AXIN1: variants seen among roughly 807,000 people sequenced by gnomAD.
AXIN1 encodes the protein axin-1.
Under a neutral mutation model 76.4 loss-of-function variants are expected in AXIN1, and 30 were observed. The ratio of observed to expected loss-of-function variants is 0.39; its 90% CI spans 0.29 to 0.53. The LOEUF is 0.53. Among genes scored for constraint, AXIN1 ranks in the 20% least tolerant of loss-of-function variants. The pLI is 0.66. For missense variants in AXIN1, 1,140 were observed against 1,198.8 expected (o/e 0.95, Z 0.72); for synonymous variants, 545 against 501.4 (o/e 1.09, Z -1.16).
At chr16:333,405 G>A (rs1159780117) in intron 2 of AXIN1, among the ~76,000 whole-genome samples, 7 of 149,366 alleles carry the variant, frequency 4.7e-5, no homozygotes, top group African/African-American at 1.2e-4. Flanking sequence ...CAGGAGGATC[G>A]CTCAAGCCTT....
intron 5 of AXIN1, among the ~76,000 whole-genome samples, chr16:298,876 C>T (rs943789890): frequency 6.6e-6 from 1 of 152,138 alleles, no homozygotes; most frequent in Admixed American, 6.5e-5. Context: ...TCAAGTGATT[C>T]TCCTCCTTCA....
Position 352,503 on chromosome 16 carries a change from GCTGCGGCT to G in AXIN1, c.-224_-217del. The G allele has an allele frequency of 3.5e-6, 3 of 852,648 alleles. No homozygotes were observed. The South Asian group carries it at 1.6e-4, about 45-fold the overall frequency. 52.8% of individuals were successfully genotyped at this position (852,648 alleles called of 1,614,324 possible). On this transcript the variant is annotated 5_prime_UTR_variant, in exon 1 of 11. Coordinates refer to ENST00000262320, the MANE Select transcript of AXIN1 (RefSeq NM_003502.4). ...GCCCGGGGCGGCCCCCATCTCGGCG[GCTGCGGCT>G]CGGCGGCCCGGAGGCGGACGCGGGG...
At chr16:307,142 T>C (rs556530871) in intron 4 of AXIN1, among the ~76,000 whole-genome samples, 1 of 152,224 alleles carries the variant, frequency 6.6e-6, no homozygotes, top group South Asian at 2.1e-4. Context: ...GACGCGCTTA[T>C]GGTCTGAACA....
At chr16:297,622 G>A (rs1454514186) in intron 6 of AXIN1, 100 bp downstream of exon 6, 1 of 1,428,692 alleles carries the variant, frequency 7.0e-7, no homozygotes, top group Non-Finnish European at 9.2e-7. Context: ...GCCTGTTGCT[G>A]GCGGTCCTGG....
At chr16:317,516 C>T (rs11645742) in intron 2 of AXIN1, among the ~76,000 whole-genome samples, 41,712 of 152,112 alleles carry the variant, frequency 0.27, 5,991 homozygotes, top group South Asian at 0.4. Flanking sequence ...GTGGCCTGGT[C>T]GCTCACTGCA....
At chr16:306,198 C>A (rs2053021203) in intron 4 of AXIN1, among the ~76,000 whole-genome samples, 1 of 152,108 alleles carries the variant, frequency 6.6e-6, no homozygotes, top group Non-Finnish European at 1.5e-5. Flanking sequence ...CAGGCACGCT[C>A]ACTTTTCTGA....
In AXIN1 at chr16:296,983, C is replaced by T. The variant is rs2052727401; in HGVS notation, c.1955+73G>A. The stretch of plus-strand genomic sequence containing the variant: ...ACTCGCCACACACACTGAAGCTGCA[C>T]ACACTGAGACTGTGCGGAGGCCAGG... On this transcript the variant is annotated intron_variant, in intron 7 of 10. Transcript: ENST00000262320. The T allele has an allele frequency of 2.6e-6, 4 of 1,534,928 alleles. No individual in the cohort carries two copies. In the South Asian group the frequency reaches 3.4e-5, roughly 13 times the overall value.
In AXIN1 at chr16:297,842, G is replaced by T. The variant is rs2141510255; in HGVS notation, c.1664C>A (p.Thr555Asn). Reference sequence around the variant, plus strand: ...GGCGAAGCTGCTCTGGGCCCTGCGGGTGGCCTCGGCCTCCACCTGCTCCTT... The same window carrying T: ...GGCGAAGCTGCTCTGGGCCCTGCGGTTGGCCTCGGCCTCCACCTGCTCCTT... Reference protein sequence around the residue: ...RPKEQVEAEATRRAQSSFAWG... With the variant: ...RPKEQVEAEANRRAQSSFAWG... Residue 555 changes from threonine (T) to asparagine (N), a missense_variant, in exon 6 of 11, where the codon ACC (threonine) becomes AAC (asparagine). Transcript: ENST00000262320. The T allele has an allele frequency of 6.3e-7, 1 of 1,576,904 alleles. No homozygotes were observed. Among genetic ancestry groups the T allele is most frequent in the African/African-American group, 1.3e-5 (1 of 74,506 alleles).
chr16:319,325 C>T (rs2053385562), intron 2 of AXIN1, among the ~76,000 whole-genome samples: 1 of 152,004 alleles, frequency 6.6e-6, no homozygotes, highest in Non-Finnish European at 1.5e-5. Flanking sequence ...GACTCTGTCT[C>T]AAAAACAAAA....
chr16:306,907 G>A (rs1433121216), intron 4 of AXIN1, among the ~76,000 whole-genome samples: 1 of 152,246 alleles, frequency 6.6e-6, no homozygotes, highest in African/African-American at 2.4e-5. Flanking sequence ...GTGTGTCCGG[G>A]TGTGTGGACG....
intron 2 of AXIN1, among the ~76,000 whole-genome samples, chr16:331,623 A>G (rs1291239587): frequency 6.6e-6 from 1 of 152,260 alleles, no homozygotes; most frequent in African/African-American, 2.4e-5. Flanking sequence ...AATGCACAGC[A>G]GTAAGCGGAC....
chr16:349,257 G>A (rs754359971), intron 1 of AXIN1, among the ~76,000 whole-genome samples: 20 of 152,148 alleles, frequency 1.3e-4, no homozygotes, highest in Non-Finnish European at 2.4e-4. Flanking sequence ...CTTGGCCTCA[G>A]CAGGAACACA....
rs546507746 is a variant in AXIN1, at chr16:347,781, G to A, written c.-81-675C>T. ...TGGGTCACCTTCAGCCCCATCGACC[G>A]AGGGATCAAGGACACCACCCAGGCC... On this transcript the variant is annotated intron_variant, in intron 1 of 10. Transcript: ENST00000262320. Among the ~76,000 whole-genome samples the A allele has an allele frequency of 6.6e-5, 10 of 152,242 alleles. No homozygotes were observed. The South Asian group carries it at 1.7e-3, about 25-fold the overall frequency.
chr16:297,403 C>T (rs994503673), intron 6 of AXIN1, among the ~76,000 whole-genome samples, 177 bp from the exon 7 acceptor site: 2 of 152,088 alleles, frequency 1.3e-5, no homozygotes, highest in African/African-American at 4.8e-5. Flanking sequence ...CCCCCACCCG[C>T]TGTCCCCTGC....
intron 5 of AXIN1, among the ~76,000 whole-genome samples, chr16:301,934 G>A (rs563220523): frequency 4.6e-5 from 7 of 152,252 alleles, no homozygotes; most frequent in Non-Finnish European, 7.3e-5. Context: ...TGATGATGCT[G>A]ACGTCACAGC....
intron 4 of AXIN1, among the ~76,000 whole-genome samples, chr16:304,759 T>C (rs2052973628): frequency 6.6e-6 from 1 of 152,166 alleles, no homozygotes; most frequent in Admixed American, 6.5e-5. Flanking sequence ...GGTCTCGAAC[T>C]CCTGACCTCA....
rs1567307965 is a variant in AXIN1 at position 346,503 on chromosome 16, G to T, written c.523C>A (p.Gln175Lys). ...KSFIKGCIMK[Q>K]LIDPAMFDQA... Reference sequence around the variant, plus strand: ...TCAAACATGGCAGGATCGATCAGCTGCTTCATGATGCAGCCCTTTATGAAG... The same window carrying T: ...TCAAACATGGCAGGATCGATCAGCTTCTTCATGATGCAGCCCTTTATGAAG... The change falls in exon 2 of 11, where the codon CAG becomes AAG. Residue 175 changes from glutamine (Q) to lysine (K), a missense_variant. Physicochemically the swap from Gln to Lys is moderately conservative, Grantham distance 53. Transcript: ENST00000262320. 1 of 1,614,190 alleles carries T rather than the reference G, an allele frequency of 6.2e-7. No homozygotes were observed. Among genetic ancestry groups the T allele is most frequent in the South Asian group, 1.1e-5 (1 of 91,076 alleles).
intron 2 of AXIN1, among the ~76,000 whole-genome samples, chr16:326,283 G>A (rs2053576963): frequency 6.8e-6 from 1 of 147,324 alleles, no homozygotes; most frequent in South Asian, 2.2e-4. Context: ...GAACTGGGGA[G>A]GCAGAGGTTG....
At chr16:341,646 G>A (rs1356345271) in intron 2 of AXIN1, among the ~76,000 whole-genome samples, 1 of 152,050 alleles carries the variant, frequency 6.6e-6, no homozygotes, top group Non-Finnish European at 1.5e-5. Context: ...GCACGGGACT[G>A]GCAGGCAGCT....
Sources: allele counts gnomAD v4.1 joint callset (sites outside exome capture counted in the v4.1 genomes callset), GRCh38; gene constraint gnomAD v4.1.1; transcripts MANE v1.5; gene names NCBI Gene and HGNC (gene_info 2026-07-23, HGNC 2026-07-21).